Variants in SGIP1 observed in about 807,000 individuals in gnomAD.
SGIP1 encodes SH3-containing GRB2-like protein 3-interacting protein 1.
In SGIP1, 38 loss-of-function variants were observed where a neutral mutation model predicts 107.5. That is an observed-to-expected ratio of 0.35 (90% CI 0.27 to 0.46). The LOEUF (loss-of-function observed/expected upper bound fraction) is 0.46, where lower values mean the gene tolerates loss of function less well. SGIP1 is among the 20% of genes least tolerant of loss of function. The pLI, the probability that SGIP1 is intolerant of heterozygous loss-of-function variation, is 1.00. For missense variants in SGIP1, 929 were observed against 1,019.5 expected (o/e 0.91, Z 1.21); for synonymous variants, 365 against 366.1 (o/e 1.00, Z 0.03).
chr1:66,700,762 A>T (rs1017598494), intron 18 of SGIP1, among the ~76,000 whole-genome samples: 18 of 152,124 alleles, frequency 1.2e-4, no homozygotes, highest in African/African-American at 4.3e-4. Flanking sequence ...AGTGCTATAG[A>T]ATACTAACAT....
intron 1 of SGIP1, among the ~76,000 whole-genome samples, chr1:66,551,827 G>A (rs965569858): frequency 2.0e-5 from 3 of 152,140 alleles, no homozygotes; most frequent in Admixed American, 1.3e-4. Flanking sequence ...TGCCTCCAAC[G>A]TGTGCAGAAG....
intron 19 of SGIP1, among the ~76,000 whole-genome samples, chr1:66,723,886 C>A (rs1405608537): frequency 2.6e-5 from 4 of 152,172 alleles, no homozygotes; most frequent in African/African-American, 9.7e-5. Context: ...AGAAAAAGAT[C>A]TGTACCTATC....
intron 1 of SGIP1, among the ~76,000 whole-genome samples, chr1:66,585,317 G>C (rs989755354): frequency 6.6e-6 from 1 of 152,136 alleles, no homozygotes; most frequent in Non-Finnish European, 1.5e-5. Flanking sequence ...ACATTCCTGA[G>C]ACTTTGATCC....
intron 1 of SGIP1, among the ~76,000 whole-genome samples, chr1:66,555,283 T>C (rs536576846): frequency 1.3e-5 from 2 of 152,230 alleles, no homozygotes; most frequent in East Asian, 1.9e-4. Context: ...CTCCATCACT[T>C]GTGTTATCAA....
Position 66,684,318 on chromosome 1 carries a change from A to G in SGIP1, c.1315+1949A>G, listed in dbSNP as rs946069294. The G allele has an allele frequency of 3.7e-6, 5 of 1,354,522 alleles. No homozygotes were observed. In the African/African-American group the frequency reaches 7.3e-5, roughly 20 times the overall value. 83.9% of individuals were successfully genotyped at this position (1,354,522 alleles called of 1,614,324 possible). A position where few individuals can be genotyped will look rare whatever the true frequency, so the allele number is the denominator to read the frequency against. On this transcript the variant is annotated intron_variant, in intron 15 of 24. Coordinates refer to ENST00000371037, the MANE Select transcript of SGIP1 (RefSeq NM_032291.4). ...TACACTGCACAGTGTCATCGACAAG[A>G]TCACCAAAAGTCTTCTCTCAAAATG...
chr1:66,562,641 T>G (rs2059118329), intron 1 of SGIP1, among the ~76,000 whole-genome samples: 1 of 152,080 alleles, frequency 6.6e-6, no homozygotes, highest in African/African-American at 2.4e-5. Context: ...TTGTTTTGGT[T>G]TTTTTCTTTA....
At chr1:66,679,466 T>G (rs991298014) in intron 13 of SGIP1, among the ~76,000 whole-genome samples, 2 of 152,246 alleles carry the variant, frequency 1.3e-5, no homozygotes, top group African/African-American at 4.8e-5. Context: ...CAACATTCTC[T>G]TGACGTTCTC....
intron 19 of SGIP1, among the ~76,000 whole-genome samples, chr1:66,728,519 T>C (rs376364060): frequency 2.6e-5 from 4 of 152,232 alleles, no homozygotes; most frequent in South Asian, 4.1e-4. Context: ...GTAAATTAAT[T>C]CAACCATTGT....
intron 1 of SGIP1, among the ~76,000 whole-genome samples, chr1:66,625,031 G>C (rs2072271383): frequency 6.6e-6 from 1 of 152,250 alleles, no homozygotes; most frequent in South Asian, 2.1e-4. Context: ...AGGGAGCCTT[G>C]GCCTTTGTTC....
intron 14 of SGIP1, among the ~76,000 whole-genome samples, chr1:66,680,813 C>A (rs536529779): frequency 3.3e-5 from 5 of 152,186 alleles, no homozygotes; most frequent in Admixed American, 2.6e-4. Context: ...TAAGATGGCT[C>A]ATATAGCCCA....
rs1029728312 is a variant in SGIP1, at chr1:66,715,597, G to A, written c.1631-3697G>A. 3.3e-5 allele frequency among the ~76,000 whole-genome samples: 5 copies of A among 152,008 alleles called. No individual in the cohort carries two copies. The East Asian group carries it at 5.8e-4, about 18-fold the overall frequency. On this transcript the variant is annotated intron_variant, in intron 18 of 24. Coordinates refer to ENST00000371037, the MANE Select transcript of SGIP1 (RefSeq NM_032291.4). ...GTTGTGTGTTCCAATTGCCATCTGC[G>A]AGCTTTAAAACAAAGCACACAAGCA...
chr1:66,557,202 T>G (rs2058312615), intron 1 of SGIP1, among the ~76,000 whole-genome samples: 1 of 152,140 alleles, frequency 6.6e-6, no homozygotes, highest in South Asian at 2.1e-4. Context: ...GGGATTCTTG[T>G]CCAATGTCAA....
intron 20 of SGIP1, among the ~76,000 whole-genome samples, 189 bp from the exon 21 acceptor site, chr1:66,733,559 T>C (rs977727096): frequency 6.6e-6 from 1 of 152,202 alleles, no homozygotes; most frequent in African/African-American, 2.4e-5. Context: ...GATATTAATC[T>C]ACCAACACCA....
chr1:66,563,724 TGCTGGAA>T (rs1339931179), intron 1 of SGIP1, among the ~76,000 whole-genome samples: 8 of 152,020 alleles, frequency 5.3e-5, no homozygotes, highest in Non-Finnish European at 4.4e-5. Flanking sequence ...CCAAGTAATT[TGCTGGAA>T]GCAGTAAATA....
Position 66,682,363 on chromosome 1 carries a change from A to G in SGIP1, c.1309A>G (p.Thr437Ala). Residue 437 changes from threonine to alanine, a missense_variant, in exon 15 of 25, where the codon ACC (threonine) becomes GCC (alanine). Transcript: ENST00000371037. ...TGGCTCGGGCCCTGGTCCGGGGACC[A>G]CCAGTGGTATGTCTTATGCTTGAGT... ...GPGSGPGPGT[T>A]SGASSPARPA... 1.9e-6 allele frequency: 3 copies of G among 1,609,922 alleles called. No individual in the cohort carries two copies. Among genetic ancestry groups the G allele is most frequent in the East Asian group, 4.5e-5 (2 of 44,840 alleles).
intron 1 of SGIP1, among the ~76,000 whole-genome samples, chr1:66,570,650 G>A (rs1175069496): frequency 6.6e-6 from 1 of 151,908 alleles, no homozygotes; most frequent in East Asian, 1.9e-4. Context: ...AGTGCCTACT[G>A]TATACCAAGC....
intron 1 of SGIP1, 23 bp from the exon 2 acceptor site, chr1:66,625,824 G>T: frequency 6.2e-7 from 1 of 1,608,176 alleles, no homozygotes; most frequent in South Asian, 1.1e-5. Context: ...GAGAGTTTTT[G>T]ACCCTTTGCT....
chr1:66,551,325 T>C (rs951639821), intron 1 of SGIP1, among the ~76,000 whole-genome samples: 1 of 152,310 alleles, frequency 6.6e-6, no homozygotes, highest in African/African-American at 2.4e-5. Context: ...TATGTTAGAA[T>C]GTGATATCTA....
At position 66,747,041 on chromosome 1, in the gene SGIP1, A is replaced by G. The variant is rs564855413; in HGVS notation, c.*3946A>G. 1.2e-4 allele frequency: 18 copies of G among 152,226 alleles called. 1 individual carries two copies. The highest frequency in any genetic ancestry group is 3.8e-4 in the African/African-American group (16 of 41,566). The allele number at this position is 152,226 out of a possible 1,614,324, so 9.4% of individuals were successfully genotyped here. Reference sequence around the variant, plus strand: ...CCGTAACAACACAAAATGATCTACCACATATCAATGTCTTCCATCTCTGAA... The same window carrying G: ...CCGTAACAACACAAAATGATCTACCGCATATCAATGTCTTCCATCTCTGAA... On this transcript the variant is annotated 3_prime_UTR_variant, in exon 25 of 25. Coordinates refer to ENST00000371037, the MANE Select transcript of SGIP1 (RefSeq NM_032291.4).
Sources: allele counts gnomAD v4.1 joint callset (sites outside exome capture counted in the v4.1 genomes callset), GRCh38; gene constraint gnomAD v4.1.1; transcripts MANE v1.5; gene names NCBI Gene and HGNC (gene_info 2026-07-23, HGNC 2026-07-21).